The following NDEL1 variants were observed in gnomAD, a reference collection of about 807,000 sequenced individuals.
NDEL1 encodes nudE neurodevelopment protein 1 like 1.
Under a neutral mutation model 45.7 loss-of-function variants are expected in NDEL1, and 9 were observed. That is an observed-to-expected ratio of 0.20 (90% CI 0.12 to 0.34). The LOEUF (loss-of-function observed/expected upper bound fraction) is 0.34, where lower values mean the gene tolerates loss of function less well. Ranked by LOEUF, NDEL1 falls within the 10% of genes least tolerant of loss-of-function variation. The pLI is 1.00. For synonymous variants in NDEL1, 133 were observed against 158.6 expected (o/e 0.84, Z 1.21); for missense variants, 306 against 406.2 (o/e 0.75, Z 2.12).
chr17:8,472,228 T>TC (rs1356743366), downstream of NDEL1, among the ~76,000 whole-genome samples: 1 of 152,212 alleles, frequency 6.6e-6, no homozygotes, highest in African/African-American at 2.4e-5. Flanking sequence ...CTAGAACAGC[T>TC]TGGCCTTACG....
At chr17:8,455,352 C>G (rs938027206) in intron 7 of NDEL1, among the ~76,000 whole-genome samples, 2 of 152,174 alleles carry the variant, frequency 1.3e-5, no homozygotes, top group African/African-American at 2.4e-5. Flanking sequence ...AGTGCCTTCT[C>G]CTTGGTGTGA....
At chr17:8,428,362 A>T (rs985967908) in intron 1 of NDEL1, among the ~76,000 whole-genome samples, 4,225 of 81,286 alleles carry the variant, frequency 0.052, 186 homozygotes, top group African/African-American at 0.056. Context: ...GTGTGTGTGT[A>T]TTTTTTTTTT....
chr17:8,446,980 C>T (rs1910125939), intron 4 of NDEL1, 78 bp downstream of exon 4: 2 of 1,504,442 alleles, frequency 1.3e-6, no homozygotes, highest in South Asian at 1.2e-5. Flanking sequence ...GGCTCTTCCC[C>T]TAGATCTTAG....
downstream of NDEL1, among the ~76,000 whole-genome samples, chr17:8,468,542 C>T (rs141796311): frequency 1.5e-3 from 223 of 152,318 alleles, no homozygotes; most frequent in African/African-American, 5.2e-3. Flanking sequence ...GATTAGAAGT[C>T]GCTTCGAACC....
chr17:8,450,339 C>G (rs998689369), intron 5 of NDEL1, among the ~76,000 whole-genome samples: 1 of 150,994 alleles, frequency 6.6e-6, no homozygotes, highest in African/African-American at 2.4e-5. Context: ...AAATTTAAAC[C>G]GTTCTGAATA....
intron 1 of NDEL1, among the ~76,000 whole-genome samples, chr17:8,420,432 A>G (rs530636083): frequency 2.1e-4 from 32 of 152,216 alleles, no homozygotes; most frequent in Non-Finnish European, 4.0e-4. Flanking sequence ...GAAGAGGACA[A>G]TTACATCATC....
chr17:8,426,797 A>C (rs1567720748), intron 1 of NDEL1, among the ~76,000 whole-genome samples: 1 of 152,304 alleles, frequency 6.6e-6, no homozygotes, highest in East Asian at 1.9e-4. Context: ...GACAAACCTC[A>C]ATAGGGGATT....
At chr17:8,426,243 T>C (rs1165365141) in intron 1 of NDEL1, among the ~76,000 whole-genome samples, 1 of 152,252 alleles carries the variant, frequency 6.6e-6, no homozygotes, top group Non-Finnish European at 1.5e-5. Context: ...ATTTGTTGAA[T>C]GGTTGGAAGC....
At chr17:8,455,319 A>G (rs113816050) in intron 7 of NDEL1, among the ~76,000 whole-genome samples, 3,000 of 152,130 alleles carry the variant, frequency 0.02, 92 homozygotes, top group African/African-American at 0.066. Flanking sequence ...TGCCCACCTT[A>G]TTTCCTTGGC....
chr17:8,423,438 C>T (rs1249726980), intron 1 of NDEL1, among the ~76,000 whole-genome samples: 1 of 152,160 alleles, frequency 6.6e-6, no homozygotes, highest in Admixed American at 6.5e-5. Context: ...CATCCCAGCA[C>T]TTTGGGAGGC....
At position 8,415,851 on chromosome 17, in the gene NDEL1, G is replaced by A. The variant is rs796186019; in HGVS notation, c.-13+2582G>A. 2.0e-5 allele frequency among the ~76,000 whole-genome samples: 3 copies of A among 152,212 alleles called. 1 individual carries two copies. Among genetic ancestry groups the A allele is most frequent in the African/African-American group, 7.2e-5 (3 of 41,512 alleles). ...CAACCTCTGTCTCCCAGGTTCAAGC[G>A]ATTCTCCTGCCTCAGCCTCCTGAGT... On this transcript the variant is annotated intron_variant, in intron 1 of 4. Transcript: ENST00000582812.
At chr17:8,435,715 G>A (rs1909249736), upstream of NDEL1, 15 of 332,644 alleles carry the variant, frequency 4.5e-5, no homozygotes, top group South Asian at 3.2e-4. Context: ...GCCTGCGCAA[G>A]AGGACGCCTG....
intron 1 of NDEL1, among the ~76,000 whole-genome samples, chr17:8,442,031 T>C (rs911307909): frequency 6.6e-6 from 1 of 152,214 alleles, no homozygotes; most frequent in African/African-American, 2.4e-5. Flanking sequence ...TGGGTTTTCT[T>C]ACTTGTCAGA....
chr17:8,421,414 G>T (rs1908703724), intron 1 of NDEL1, among the ~76,000 whole-genome samples: 1 of 152,124 alleles, frequency 6.6e-6, no homozygotes, highest in African/African-American at 2.4e-5. Flanking sequence ...CTTAAAAGAG[G>T]GAGGCTTATC....
intron 1 of NDEL1, among the ~76,000 whole-genome samples, chr17:8,417,604 A>G (rs1737061332): frequency 6.6e-6 from 1 of 152,182 alleles, no homozygotes; most frequent in African/African-American, 2.4e-5. Context: ...ATGGTGATCA[A>G]ATGGGGGGAC....
At chr17:8,462,249 C>T (rs1456642902) in intron 8 of NDEL1, among the ~76,000 whole-genome samples, 1 of 152,014 alleles carries the variant, frequency 6.6e-6, no homozygotes, top group East Asian at 1.9e-4. Context: ...TTACATTGTG[C>T]CTTTTCTATT....
chr17:8,449,695 T>C (rs1254312033), intron 5 of NDEL1, among the ~76,000 whole-genome samples: 2 of 152,220 alleles, frequency 1.3e-5, no homozygotes, highest in African/African-American at 2.4e-5. Context: ...GGTTTATCCA[T>C]GTGTAGTATG....
At chr17:8,462,425 TC>T (rs1285826741) in intron 8 of NDEL1, among the ~76,000 whole-genome samples, 3 of 152,196 alleles carry the variant, frequency 2.0e-5, no homozygotes, top group African/African-American at 4.8e-5. Context: ...GTTTTCACTT[TC>T]TTGCCGCTTT....
At chr17:8,449,766 T>C (rs1290103814) in intron 5 of NDEL1, among the ~76,000 whole-genome samples, 1 of 152,206 alleles carries the variant, frequency 6.6e-6, no homozygotes, top group African/African-American at 2.4e-5. Flanking sequence ...TTCATTTTCT[T>C]TATCTGTTCA....
Sources: allele counts gnomAD v4.1 joint callset (sites outside exome capture counted in the v4.1 genomes callset), GRCh38; gene constraint gnomAD v4.1.1; transcripts MANE v1.5; gene names NCBI Gene and HGNC (gene_info 2026-07-23, HGNC 2026-07-21).